The following PLCL1 variants were observed in gnomAD, a reference collection of about 807,000 sequenced individuals.
The protein encoded by PLCL1 is inactive phospholipase C-like protein 1.
In PLCL1, 41 loss-of-function variants were observed where a neutral mutation model predicts 84.4. The observed-to-expected ratio is 0.49, with a 90% confidence interval of 0.38 to 0.63. The LOEUF (loss-of-function observed/expected upper bound fraction) is 0.63. Among genes scored for constraint, PLCL1 ranks in the 30% least tolerant of loss-of-function variants. The pLI, the probability that PLCL1 is intolerant of heterozygous loss-of-function variation, is 0.00. For missense variants in PLCL1, 1,206 were observed against 1,367.8 expected (o/e 0.88, Z 1.87); for synonymous variants, 490 against 488.3 (o/e 1.00, Z -0.05).
chr2:198,019,413 GA>G (rs1400078659), intron 1 of PLCL1, among the ~76,000 whole-genome samples: 2 of 152,230 alleles, frequency 1.3e-5, no homozygotes, highest in African/African-American at 4.8e-5. Context: ...GTAGGCTTCA[GA>G]AGGTGGGTAA....
At chr2:197,841,430 C>A (rs1687001078) in intron 1 of PLCL1, among the ~76,000 whole-genome samples, 1 of 152,154 alleles carries the variant, frequency 6.6e-6, no homozygotes, top group African/African-American at 2.4e-5. Context: ...CATAGTTTTG[C>A]CTTTTTCAGA....
intron 1 of PLCL1, among the ~76,000 whole-genome samples, chr2:197,819,277 A>C (rs1690759546): frequency 6.6e-6 from 1 of 152,112 alleles, no homozygotes; most frequent in Non-Finnish European, 1.5e-5. Context: ...CTAGCCACTA[A>C]ATCCACCATT....
intron 1 of PLCL1, among the ~76,000 whole-genome samples, chr2:197,958,735 C>T (rs1300202249): frequency 6.6e-6 from 1 of 151,904 alleles, no homozygotes; most frequent in Admixed American, 6.6e-5. Flanking sequence ...TGAATATTTA[C>T]ACCCTTACCT....
intron 1 of PLCL1, among the ~76,000 whole-genome samples, chr2:197,872,266 T>C (rs1687662080): frequency 6.6e-6 from 1 of 152,124 alleles, no homozygotes; most frequent in African/African-American, 2.4e-5. Context: ...GAGGAAGTTC[T>C]CTCAATGAAA....
intron 1 of PLCL1, among the ~76,000 whole-genome samples, chr2:197,959,100 C>G (rs1483901055): frequency 6.6e-6 from 1 of 151,986 alleles, no homozygotes; most frequent in Non-Finnish European, 1.5e-5. Flanking sequence ...AGCTATGTGA[C>G]TTCAGCCAAA....
chr2:198,023,897 G>A (rs910654235), intron 1 of PLCL1, among the ~76,000 whole-genome samples: 1 of 152,132 alleles, frequency 6.6e-6, no homozygotes. Flanking sequence ...CCATTTCTGG[G>A]TATATACCCA....
intron 1 of PLCL1, among the ~76,000 whole-genome samples, chr2:197,921,984 G>A (rs1304104132): frequency 6.9e-6 from 1 of 145,372 alleles, no homozygotes; most frequent in Non-Finnish European, 1.5e-5. Flanking sequence ...ACAAGTGCAG[G>A]TTGATTGATA....
intron 5 of PLCL1, among the ~76,000 whole-genome samples, chr2:198,118,837 AC>A: frequency 6.6e-6 from 1 of 152,036 alleles, no homozygotes; most frequent in Admixed American, 6.6e-5. Flanking sequence ...TCTGTCTCTA[AC>A]CTTTTGTTCT....
intron 1 of PLCL1, among the ~76,000 whole-genome samples, chr2:197,851,591 C>T (rs979360697): frequency 1.3e-5 from 2 of 152,116 alleles, no homozygotes; most frequent in Non-Finnish European, 2.9e-5. Context: ...AATCTGGGTA[C>T]AAGTGATAAG....
chr2:198,100,814 G>T (rs546028965), intron 3 of PLCL1, among the ~76,000 whole-genome samples: 2 of 151,864 alleles, frequency 1.3e-5, no homozygotes, highest in Non-Finnish European at 1.5e-5. Flanking sequence ...GGAGTGGGGT[G>T]GGGGAGAGAC....
At chr2:198,065,829 A>G (rs1239438568) in intron 1 of PLCL1, among the ~76,000 whole-genome samples, 2 of 152,172 alleles carry the variant, frequency 1.3e-5, no homozygotes, top group Non-Finnish European at 2.9e-5. Context: ...TTAGGTGTTG[A>G]TAAGACACTG....
intron 1 of PLCL1, among the ~76,000 whole-genome samples, chr2:197,888,034 G>A (rs1005719572): frequency 2.0e-5 from 3 of 151,886 alleles, no homozygotes; most frequent in Non-Finnish European, 4.4e-5. Flanking sequence ...TGAAGCTGCA[G>A]TGAGCTGTGA....
chr2:197,932,142 C>T (rs370160137), intron 1 of PLCL1, among the ~76,000 whole-genome samples: 13 of 152,188 alleles, frequency 8.5e-5, no homozygotes, highest in East Asian at 3.9e-4. Context: ...ATTGATTGCA[C>T]GGTCCTCTGA....
chr2:197,977,252 A>G (rs1000278282), intron 1 of PLCL1, among the ~76,000 whole-genome samples: 27 of 152,288 alleles, frequency 1.8e-4, no homozygotes, highest in African/African-American at 6.5e-4. Context: ...AACATCATCA[A>G]AGACCTTGGA....
chr2:197,825,290 A>C (rs1690906423), intron 1 of PLCL1, among the ~76,000 whole-genome samples: 1 of 152,140 alleles, frequency 6.6e-6, no homozygotes, highest in African/African-American at 2.4e-5. Context: ...ATGACACTGG[A>C]CCCAGTCCTA....
intron 1 of PLCL1, among the ~76,000 whole-genome samples, chr2:197,900,140 T>G (rs1052759027): frequency 1.3e-5 from 2 of 152,218 alleles, no homozygotes; most frequent in Non-Finnish European, 2.9e-5. Context: ...AAATGTAAGC[T>G]CTTTGAGAGC....
Position 198,097,125 on chromosome 2 carries a change from A to T in PLCL1, c.2920-4160A>T, listed in dbSNP as rs1327235220. 4.6e-5 allele frequency among the ~76,000 whole-genome samples: 7 copies of T among 152,320 alleles called. No homozygotes were observed. In the South Asian group the frequency reaches 6.2e-4, roughly 14 times the overall value. On this transcript the variant is annotated intron_variant, in intron 3 of 5. Transcript: ENST00000428675. The stretch of plus-strand genomic sequence containing the variant: ...GAAGTATCTTTGCTTGTATAGTAAT[A>T]GAACCTAAAAAAAGAACTGTCTGCT...
At chr2:197,883,991 C>G (rs1181898738) in intron 1 of PLCL1, among the ~76,000 whole-genome samples, 1 of 152,170 alleles carries the variant, frequency 6.6e-6, no homozygotes, top group Admixed American at 6.5e-5. Flanking sequence ...AATCTTGTCT[C>G]TATCTTAAGT....
chr2:197,842,998 A>G (rs1330477144), intron 1 of PLCL1, among the ~76,000 whole-genome samples: 2 of 152,176 alleles, frequency 1.3e-5, no homozygotes, highest in Non-Finnish European at 2.9e-5. Flanking sequence ...GTAAATTTTC[A>G]TATTTGTATT....
Sources: allele counts gnomAD v4.1 joint callset (sites outside exome capture counted in the v4.1 genomes callset), GRCh38; gene constraint gnomAD v4.1.1; transcripts MANE v1.5; gene names NCBI Gene and HGNC (gene_info 2026-07-23, HGNC 2026-07-21).